Variants in LINGO2 observed in about 807,000 individuals in gnomAD.
The protein encoded by LINGO2 is leucine rich repeat and Ig domain containing 2, also known as leucine-rich repeat and immunoglobulin-like domain-containing nogo receptor-interacting protein 2.
LINGO2 carries 14 observed loss-of-function variants against 30.6 expected under a neutral mutation model. The observed-to-expected ratio is 0.46, with a 90% confidence interval of 0.30 to 0.72. The LOEUF is 0.72. Ranked by LOEUF, LINGO2 falls within the 30% of genes least tolerant of loss-of-function variation. The pLI is 0.07. For synonymous variants in LINGO2, 317 were observed against 288.5 expected, an observed-to-expected ratio of 1.10 and a Z score of -1.00; for missense variants, 729 against 751.7, an observed-to-expected ratio of 0.97 and a Z score of 0.35.
At chr9:28,213,797 C>G (rs1353638625) in intron 4 of LINGO2, among the ~76,000 whole-genome samples, 2 of 151,400 alleles carry the variant, frequency 1.3e-5, no homozygotes, top group African/African-American at 4.8e-5. Context: ...TCCTTTACCT[C>G]TGAAAAAATG....
chr9:28,639,971 T>G (rs1481015799), intron 1 of LINGO2, among the ~76,000 whole-genome samples: 1 of 152,164 alleles, frequency 6.6e-6, no homozygotes, highest in Non-Finnish European at 1.5e-5. Flanking sequence ...GTTGTTCCTT[T>G]CCATGTTTAG....
chr9:27,953,190 T>G (rs73645706), intron 5 of LINGO2, among the ~76,000 whole-genome samples: 9,966 of 152,170 alleles, frequency 0.065, 729 homozygotes, highest in African/African-American at 0.19. Flanking sequence ...AACATCCACA[T>G]ACTGATAAGG....
chr9:28,480,672 T>C (rs765453184), intron 1 of LINGO2, among the ~76,000 whole-genome samples: 3 of 152,124 alleles, frequency 2.0e-5, no homozygotes, highest in Non-Finnish European at 4.4e-5. Flanking sequence ...GCAACTGGCT[T>C]CTCAGATTTC....
At chr9:29,072,468 C>A in the LINGO2 span, among the ~76,000 whole-genome samples, 30 of 151,736 alleles carry the variant, frequency 2.0e-4, no homozygotes, top group Non-Finnish European at 3.8e-4. Flanking sequence ...ATTTAGGATA[C>A]ATGAACTCTA....
intron 4 of LINGO2, among the ~76,000 whole-genome samples, chr9:28,043,570 T>A (rs1824286997): frequency 6.6e-6 from 1 of 152,222 alleles, no homozygotes; most frequent in Non-Finnish European, 1.5e-5. Flanking sequence ...CTGTTCTAGT[T>A]ATTACCCCAT....
intron 4 of LINGO2, among the ~76,000 whole-genome samples, chr9:28,141,021 A>G (rs1028087045): frequency 3.9e-5 from 6 of 152,062 alleles, no homozygotes; most frequent in Admixed American, 6.6e-5. Flanking sequence ...ATAGCAAACT[A>G]TCTTAAGTCC....
At chr9:28,675,493 T>C in the LINGO2 span, among the ~76,000 whole-genome samples, 3 of 152,130 alleles carry the variant, frequency 2.0e-5, no homozygotes, top group Non-Finnish European at 4.4e-5. Flanking sequence ...TAAAATGCAA[T>C]ATAATCTGTT....
At chr9:28,878,120 A>T in the LINGO2 span, among the ~76,000 whole-genome samples, 11 of 151,930 alleles carry the variant, frequency 7.2e-5, no homozygotes, top group South Asian at 2.3e-3. Context: ...ATGAGAGAAG[A>T]ATCAAACAGA....
At chr9:29,160,312 G>T in the LINGO2 span, among the ~76,000 whole-genome samples, 1 of 152,198 alleles carries the variant, frequency 6.6e-6, no homozygotes, top group Non-Finnish European at 1.5e-5. Context: ...GGTTGTTTCT[G>T]AAGTGACAAC....
At chr9:28,528,461 C>A (rs1171073175) in intron 1 of LINGO2, among the ~76,000 whole-genome samples, 2 of 152,096 alleles carry the variant, frequency 1.3e-5, no homozygotes, top group Non-Finnish European at 1.5e-5. Context: ...TTACACAGGC[C>A]AATTTATAAT....
chr9:29,080,590 A>C, the LINGO2 span, among the ~76,000 whole-genome samples: 4 of 152,032 alleles, frequency 2.6e-5, no homozygotes, highest in African/African-American at 9.7e-5. Flanking sequence ...TAGTGCTATA[A>C]ATTTCCCTCT....
intron 4 of LINGO2, among the ~76,000 whole-genome samples, chr9:28,292,508 G>C (rs1823767186): frequency 6.6e-6 from 1 of 151,988 alleles, no homozygotes; most frequent in Admixed American, 6.6e-5. Flanking sequence ...TGTCACCCAG[G>C]CTGGAGTGCA....
chr9:28,313,147 A>G (rs1824698619), intron 3 of LINGO2, among the ~76,000 whole-genome samples: 1 of 152,218 alleles, frequency 6.6e-6, no homozygotes, highest in Non-Finnish European at 1.5e-5. Context: ...TTTTGTAACG[A>G]GACTACATAA....
intron 4 of LINGO2, among the ~76,000 whole-genome samples, chr9:28,183,982 G>T (rs1819450924): frequency 6.6e-6 from 1 of 152,096 alleles, no homozygotes; most frequent in Non-Finnish European, 1.5e-5. Context: ...GCCCTACCTG[G>T]GCCTCACAGC....
intron 1 of LINGO2, among the ~76,000 whole-genome samples, chr9:28,639,955 G>C (rs1827490364): frequency 6.6e-6 from 1 of 152,096 alleles, no homozygotes; most frequent in Non-Finnish European, 1.5e-5. Flanking sequence ...GCAGTGGCTG[G>C]TACCGGTTGT....
intron 1 of LINGO2, among the ~76,000 whole-genome samples, chr9:28,620,865 C>A (rs1826358748): frequency 6.6e-6 from 1 of 151,906 alleles, no homozygotes; most frequent in African/African-American, 2.4e-5. Flanking sequence ...TCAGGAAAAA[C>A]AACTAATGGT....
chr9:28,604,165 C>T (rs866342336), intron 1 of LINGO2, among the ~76,000 whole-genome samples: 2 of 151,958 alleles, frequency 1.3e-5, no homozygotes, highest in African/African-American at 4.8e-5. Context: ...TGTGGTGATA[C>T]GCAAACTCAC....
Position 28,603,094 on chromosome 9 carries a change from G to C in LINGO2, c.-365+67106C>G, listed in dbSNP as rs1367108764. On this transcript the variant is annotated intron_variant, in intron 1 of 5. Coordinates refer to ENST00000379992, the Ensembl canonical transcript of LINGO2. ...TTCTGGCTTACACTATTGAGCCAAA[G>C]TTTCTGCTTTTACAAGTATGTGTTT... Among the ~76,000 whole-genome samples, 2 of 152,012 alleles carry C rather than the reference G, an allele frequency of 1.3e-5. 1 individual carries two copies. The highest frequency in any genetic ancestry group is 2.9e-5 in the Non-Finnish European group (2 of 67,968).
At chr9:28,484,029 A>C (rs1461878334) in intron 1 of LINGO2, among the ~76,000 whole-genome samples, 1 of 152,094 alleles carries the variant, frequency 6.6e-6, no homozygotes, top group Non-Finnish European at 1.5e-5. Context: ...CTTTATCTAC[A>C]GCCTGGGCAT....
Sources: allele counts gnomAD v4.1 joint callset (sites outside exome capture counted in the v4.1 genomes callset), GRCh38; gene constraint gnomAD v4.1.1; transcripts MANE v1.5; gene names NCBI Gene and HGNC (gene_info 2026-07-23, HGNC 2026-07-21).